The following GLUD1 variants were observed in gnomAD, a reference collection of about 807,000 sequenced individuals.
GLUD1 encodes the protein glutamate dehydrogenase 1.
A neutral mutation model predicts 56.0 loss-of-function variants in GLUD1; 22 were observed. The ratio of observed to expected loss-of-function variants is 0.39; its 90% CI spans 0.28 to 0.56. The LOEUF is 0.56. Among genes scored for constraint, GLUD1 ranks in the 20% least tolerant of loss-of-function variants. The probability of loss-of-function intolerance (pLI) is 0.58; values close to 1 mark genes in which losing one functional copy is unlikely to be tolerated. For missense variants in GLUD1, 451 were observed against 732.0 expected, an observed-to-expected ratio of 0.62 and a Z score of 4.43; for synonymous variants, 223 against 269.9, an observed-to-expected ratio of 0.83 and a Z score of 1.70.
intron 5 of GLUD1, 70 bp downstream of exon 5, chr10:87,067,993 T>C (rs1846122064): frequency 2.3e-6 from 2 of 882,204 alleles, no homozygotes; most frequent in Non-Finnish European, 1.9e-6. Context: ...ACTTTTGATA[T>C]AATCAGTCAA....
At chr10:87,062,138 G>A (rs1263437433) in intron 6 of GLUD1, among the ~76,000 whole-genome samples, 1 of 152,192 alleles carries the variant, frequency 6.6e-6, no homozygotes, top group South Asian at 2.1e-4. Context: ...GGCTGGTCTC[G>A]AACTCCTGGC....
chr10:87,080,711 C>A (rs543355206), intron 1 of GLUD1, among the ~76,000 whole-genome samples: 1 of 151,284 alleles, frequency 6.6e-6, no homozygotes, highest in Non-Finnish European at 1.5e-5. Flanking sequence ...GCAACCGCCC[C>A]GTCTGAGAAG....
At chr10:87,078,415 T>C (rs1846460544) in intron 1 of GLUD1, among the ~76,000 whole-genome samples, 1 of 152,222 alleles carries the variant, frequency 6.6e-6, no homozygotes, top group Non-Finnish European at 1.5e-5. Context: ...CTCTCCTACC[T>C]TGTTTCTTCA....
intron 1 of GLUD1, among the ~76,000 whole-genome samples, chr10:87,092,986 G>C (rs1404332564): frequency 6.6e-6 from 1 of 152,224 alleles, no homozygotes; most frequent in Non-Finnish European, 1.5e-5. Context: ...AAGGAAATCA[G>C]AGGTCAAAGT....
intron 6 of GLUD1, chr10:87,061,348 C>T: frequency 2.1e-6 from 1 of 487,150 alleles, no homozygotes; most frequent in Non-Finnish European, 3.9e-6. Flanking sequence ...CATGGTGAAA[C>T]CCCGTCTCTA....
intron 1 of GLUD1, among the ~76,000 whole-genome samples, chr10:87,086,114 G>GGAAT (rs1428008948): frequency 2.0e-5 from 3 of 152,176 alleles, no homozygotes; most frequent in Admixed American, 2.0e-4. Context: ...GAGAGGCAGA[G>GGAAT]GAATCCTAGG....
chr10:87,050,496 C>T lies in GLUD1; in HGVS notation c.*1255G>A, dbSNP rs1320309771. On this transcript the variant is annotated 3_prime_UTR_variant, in exon 13 of 13. Coordinates refer to ENST00000277865, the MANE Select transcript of GLUD1 (RefSeq NM_005271.5). ...GAAAAGAAACGTAAGTTTTGGAAAA[C>T]GTAGACTTTTAATAACTGCTTTTAT... 6 of 151,252 alleles carry T rather than the reference C, an allele frequency of 4.0e-5. No homozygotes were observed. The highest frequency in any genetic ancestry group is 1.9e-4 in the East Asian group (1 of 5,164). The allele number at this position is 151,252 out of a possible 1,614,324, so 9.4% of individuals were successfully genotyped here.
At position 87,058,276 on chromosome 10, in the gene GLUD1, C is replaced by G. The variant is rs535568616; in HGVS notation, c.1403-494G>C. Among the ~76,000 whole-genome samples the G allele has an allele frequency of 2.0e-5, 3 of 152,344 alleles. No individual in the cohort carries two copies. The East Asian group carries it at 5.8e-4, about 29-fold the overall frequency. On this transcript the variant is annotated intron_variant, in intron 10 of 12. Coordinates refer to ENST00000277865, the MANE Select transcript of GLUD1 (RefSeq NM_005271.5). ...ATAAATGTGAATTTAGGTCACTGCT[C>G]TGTTTCCATAACACCCATTACCAGG...
chr10:87,088,216 A>G (rs1841431290), intron 1 of GLUD1, among the ~76,000 whole-genome samples: 1 of 151,460 alleles, frequency 6.6e-6, no homozygotes, highest in Non-Finnish European at 1.5e-5. Flanking sequence ...CTAGGAAAGG[A>G]AAATGTAGAA....
intron 1 of GLUD1, among the ~76,000 whole-genome samples, chr10:87,087,220 G>A (rs1841404530): frequency 6.6e-6 from 1 of 152,174 alleles, no homozygotes; most frequent in African/African-American, 2.4e-5. Context: ...GGTACACAGG[G>A]CCATGTCTGG....
intron 4 of GLUD1, among the ~76,000 whole-genome samples, chr10:87,072,974 G>A (rs1349422042): frequency 1.3e-5 from 2 of 152,174 alleles, no homozygotes; most frequent in East Asian, 3.9e-4. Context: ...CAAGTTCACA[G>A]TAGTGCTGGG....
At position 87,094,822 on chromosome 10, in the gene GLUD1, C is replaced by G; in HGVS notation, c.-53G>C. ...TGGTCGCGAAACAGGCGCGCTTTCT[C>G]AGACTCCCCGCGACTAGGGAGGAAG... is the stretch of plus-strand genomic sequence containing the variant. On this transcript the variant is annotated 5_prime_UTR_variant, in exon 1 of 13. Coordinates refer to ENST00000277865, the MANE Select transcript of GLUD1 (RefSeq NM_005271.5). The surrounding 1 kb of genome is among the most constrained non-coding windows in gnomAD (Gnocchi z 6.6). 1.4e-6 allele frequency: 2 copies of G among 1,386,618 alleles called. No individual in the cohort carries two copies. The highest frequency in any genetic ancestry group is 2.0e-6 in the Non-Finnish European group (2 of 1,019,204). The allele number at this position is 1,386,618 out of a possible 1,614,324, so 85.9% of individuals were successfully genotyped here. A position where few individuals can be genotyped will look rare whatever the true frequency, so the allele number is the denominator to read the frequency against.
intron 3 of GLUD1, among the ~76,000 whole-genome samples, chr10:87,075,566 T>C (rs566146646): frequency 6.6e-6 from 1 of 152,294 alleles, no homozygotes; most frequent in South Asian, 2.1e-4. Context: ...ATCTCACTGA[T>C]AGTGGGGGAT....
intron 11 of GLUD1, among the ~76,000 whole-genome samples, chr10:87,055,636 G>A (rs796596790): frequency 6.6e-6 from 1 of 152,182 alleles, no homozygotes; most frequent in Non-Finnish European, 1.5e-5. Context: ...GAGGAGATCA[G>A]TGTATTCCAG....
chr10:87,052,799 C>T (rs915445147), intron 12 of GLUD1, among the ~76,000 whole-genome samples: 22 of 150,220 alleles, frequency 1.5e-4, no homozygotes, highest in African/African-American at 5.4e-4. Context: ...ATACCACATA[C>T]ACCCTATCTC....
At chr10:87,089,526 G>C (rs1346996841) in intron 1 of GLUD1, 1 of 706,878 alleles carries the variant, frequency 1.4e-6, no homozygotes, top group African/African-American at 1.9e-5. Context: ...GGCACACACA[G>C]AGCTGAATAA....
At chr10:87,083,126 A>C (rs1255938366) in intron 1 of GLUD1, among the ~76,000 whole-genome samples, 1 of 151,912 alleles carries the variant, frequency 6.6e-6, no homozygotes, top group Non-Finnish European at 1.5e-5. Context: ...CCGTAGTCCC[A>C]TACTCACAAG....
chr10:87,088,347 T>C (rs1262317604), intron 1 of GLUD1, among the ~76,000 whole-genome samples: 1 of 152,070 alleles, frequency 6.6e-6, no homozygotes, highest in East Asian at 1.9e-4. Context: ...AATTCAACTT[T>C]GTTTTTTTAA....
intron 6 of GLUD1, 120 bp downstream of exon 6, chr10:87,062,536 C>A: frequency 1.2e-6 from 1 of 813,966 alleles, no homozygotes; most frequent in South Asian, 1.6e-5. Flanking sequence ...TGAAAACCAC[C>A]ACTCTAAAAT....
Sources: gnomAD v4.1 joint callset for allele counts (sites outside exome capture counted in the v4.1 genomes callset) on GRCh38, gnomAD v4.1.1 for gene constraint, Gnocchi (gnomAD v3.1) non-coding constraint, MANE v1.5 for transcripts, NCBI Gene and HGNC (gene_info 2026-07-23, HGNC 2026-07-21) for gene names.